The following LTBP2 variants were observed in gnomAD, a reference collection of about 807,000 sequenced individuals.
The protein encoded by LTBP2 is latent-transforming growth factor beta-binding protein 2.
Under a neutral mutation model 210.6 loss-of-function variants are expected in LTBP2, and 103 were observed. The ratio of observed to expected loss-of-function variants is 0.49; its 90% CI spans 0.42 to 0.58. LTBP2 has a LOEUF of 0.58. LTBP2 is among the 20% of genes least tolerant of loss of function. The pLI, the probability that LTBP2 is intolerant of heterozygous loss-of-function variation, is 0.00. For synonymous variants in LTBP2, 1,007 were observed against 1,015.0 expected, an observed-to-expected ratio of 0.99 and a Z score of 0.15; for missense variants, 2,313 against 2,494.5, an observed-to-expected ratio of 0.93 and a Z score of 1.55.
chr14:74,512,033 T>G (rs1345213435), intron 18 of LTBP2, among the ~76,000 whole-genome samples: 1 of 152,166 alleles, frequency 6.6e-6, no homozygotes, highest in Non-Finnish European at 1.5e-5. Context: ...GGACACCAAA[T>G]GGACACCCAG....
chr14:74,540,033 A>C (rs1322699588), intron 8 of LTBP2, among the ~76,000 whole-genome samples: 1 of 152,188 alleles, frequency 6.6e-6, no homozygotes, highest in South Asian at 2.1e-4. Context: ...ATGCCAAGCC[A>C]CTGTCTCTGG....
intron 35 of LTBP2, 41 bp downstream of exon 35, chr14:74,501,400 A>G: frequency 6.2e-7 from 1 of 1,613,756 alleles, no homozygotes; most frequent in Non-Finnish European, 8.5e-7. Flanking sequence ...CTCTGTGGGC[A>G]GTGGGCCAGC....
intron 32 of LTBP2, 25 bp downstream of exon 32, chr14:74,503,444 C>G: frequency 1.2e-6 from 2 of 1,609,094 alleles, no homozygotes; most frequent in Non-Finnish European, 1.7e-6. Context: ...CCTTCTCCTG[C>G]TCCCCCACGC....
intron 2 of LTBP2, among the ~76,000 whole-genome samples, chr14:74,601,289 T>C (rs913555253): frequency 1.3e-5 from 2 of 152,156 alleles, no homozygotes; most frequent in Non-Finnish European, 2.9e-5. Context: ...CTCACACCTG[T>C]AAGCCCAGCA....
intron 26 of LTBP2, 131 bp from the exon 27 acceptor site, chr14:74,506,954 T>C: frequency 1.3e-6 from 2 of 1,547,858 alleles, no homozygotes; most frequent in Non-Finnish European, 8.7e-7. Flanking sequence ...CTTATTTGGC[T>C]TATTAGCACC....
chr14:74,526,299 C>T (rs118151521), intron 13 of LTBP2, among the ~76,000 whole-genome samples, 185 bp from the exon 14 acceptor site: 97 of 152,372 alleles, frequency 6.4e-4, no homozygotes, highest in Non-Finnish European at 1.2e-3. Context: ...TACACACACT[C>T]ACTTCATTAA....
intron 13 of LTBP2, among the ~76,000 whole-genome samples, chr14:74,526,694 G>A (rs2087277959): frequency 6.6e-6 from 1 of 152,218 alleles, no homozygotes; most frequent in Non-Finnish European, 1.5e-5. Flanking sequence ...GACAGAACAA[G>A]GCACCCGGAA....
In LTBP2 at chr14:74,580,229, G is replaced by C. The variant is rs143935122; in HGVS notation, c.830+5625C>G. Among the ~76,000 whole-genome samples, 18 of 152,304 alleles carry C rather than the reference G, an allele frequency of 1.2e-4. No homozygotes were observed. The East Asian group carries it at 3.5e-3, about 29-fold the overall frequency. On this transcript the variant is annotated intron_variant, in intron 3 of 35. Transcript: ENST00000261978. ...GGAGAAGAAGCCACGGGAGTGTGAG[G>C]GGAAGAGTGTTTTGATGCGGGTTGA...
At position 74,510,178 on chromosome 14, in the gene LTBP2, G is replaced by T; in HGVS notation, c.3064C>A (p.His1022Asn). 1 of 1,614,050 alleles carries T rather than the reference G, an allele frequency of 6.2e-7. No homozygotes were observed. Among genetic ancestry groups the T allele is most frequent in the Non-Finnish European group, 8.5e-7 (1 of 1,180,024 alleles). ...CCTTCTAGGTTGGTGCACTTTCCAT[G>T]GGCACAGACCCCGGGAGTCAGACAC... Reference protein sequence around the residue: ...NECLTPGVCAHGKCTNLEGSF... With the variant: ...NECLTPGVCANGKCTNLEGSF... The change falls in exon 20 of 36, where the codon CAT becomes AAT. Residue 1022 changes from histidine to asparagine, a missense_variant. His to Asn is a moderately conservative substitution (Grantham distance 68). Transcript: ENST00000261978.
At chr14:74,527,898 G>A (rs7149562) in intron 12 of LTBP2, among the ~76,000 whole-genome samples, 44,882 of 152,130 alleles carry the variant, frequency 0.3, 6,997 homozygotes, top group African/African-American at 0.38. Flanking sequence ...TCCTGGAGCA[G>A]TTTGACCAAT....
Position 74,506,698 on chromosome 14 carries a change from C to T in LTBP2, c.4033G>A (p.Asp1345Asn). 6.2e-7 allele frequency: 1 copy of T among 1,613,310 alleles called. No individual in the cohort carries two copies. Among genetic ancestry groups the T allele is most frequent in the Non-Finnish European group, 8.5e-7 (1 of 1,179,996 alleles). Residue 1345 changes from aspartate to asparagine, a missense_variant and splice_region_variant, in exon 27 of 36, where the codon GAT becomes AAT. Physicochemically the swap from Asp to Asn is conservative, Grantham distance 23 (BLOSUM62 1). Coordinates refer to ENST00000261978, the MANE Select transcript of LTBP2 (RefSeq NM_000428.3). ...CTTGGGTAGCCCACAGGCTCCTCAC[C>T]CACACAGTCCCAGCCTGAGGGAGAG... ...EISPSGWDCV[D>N]VNECELMLAV...
At chr14:74,519,299 C>A (rs1396900993) in intron 17 of LTBP2, among the ~76,000 whole-genome samples, 1 of 151,924 alleles carries the variant, frequency 6.6e-6, no homozygotes, top group Non-Finnish European at 1.5e-5. Flanking sequence ...CTAAACCCGG[C>A]CAAGAATCTA....
chr14:74,597,840 G>A (rs549727413), intron 2 of LTBP2, among the ~76,000 whole-genome samples: 88 of 152,272 alleles, frequency 5.8e-4, no homozygotes, highest in Middle Eastern at 6.8e-3. Context: ...TGGTTCATCC[G>A]GAGATGAGAC....
chr14:74,538,456 C>T (rs1233143445), intron 8 of LTBP2, among the ~76,000 whole-genome samples: 2 of 152,086 alleles, frequency 1.3e-5, no homozygotes, highest in African/African-American at 4.8e-5. Flanking sequence ...TTTGCATCCA[C>T]AGTTTCTTTG....
intron 10 of LTBP2, among the ~76,000 whole-genome samples, chr14:74,530,695 TG>T (rs2087339290): frequency 6.6e-6 from 1 of 152,190 alleles, no homozygotes; most frequent in South Asian, 2.1e-4. Flanking sequence ...TTTAATTTTT[TG>T]TAAAGACAGG....
chr14:74,590,827 A>C (rs906858819), intron 2 of LTBP2, among the ~76,000 whole-genome samples: 9 of 152,138 alleles, frequency 5.9e-5, no homozygotes, highest in Non-Finnish European at 1.2e-4. Context: ...GATACAATGG[A>C]CTTTAGAGAC....
At chr14:74,549,349 G>A (rs1262397945) in intron 8 of LTBP2, among the ~76,000 whole-genome samples, 2 of 152,178 alleles carry the variant, frequency 1.3e-5, no homozygotes, top group Non-Finnish European at 2.9e-5. Context: ...CACATGTTAG[G>A]TTTTTCCCAT....
chr14:74,530,740 C>T (rs1315244797), intron 10 of LTBP2, among the ~76,000 whole-genome samples: 1 of 152,172 alleles, frequency 6.6e-6, no homozygotes, highest in Non-Finnish European at 1.5e-5. Context: ...GTTTTAAACT[C>T]CTGAACTCAA....
chr14:74,538,968 A>G (rs1337875239), intron 8 of LTBP2, among the ~76,000 whole-genome samples: 1 of 152,244 alleles, frequency 6.6e-6, no homozygotes, highest in African/African-American at 2.4e-5. Context: ...GAGGGAAGAA[A>G]GAGAAGTCCT....
Sources: allele counts gnomAD v4.1 joint callset (sites outside exome capture counted in the v4.1 genomes callset), GRCh38; gene constraint gnomAD v4.1.1; transcripts MANE v1.5; gene names NCBI Gene and HGNC (gene_info 2026-07-23, HGNC 2026-07-21).